Variants in SH3GL3 observed in about 807,000 individuals in gnomAD.
The protein encoded by SH3GL3 is endophilin-A3.
SH3GL3 carries 33 observed loss-of-function variants against 47.7 expected under a neutral mutation model. The ratio of observed to expected loss-of-function variants is 0.69; its 90% CI spans 0.52 to 0.92. The LOEUF (loss-of-function observed/expected upper bound fraction) is 0.92, where lower values mean the gene tolerates loss of function less well. SH3GL3 is among the 40% of genes least tolerant of loss of function. The probability of loss-of-function intolerance (pLI) is 0.00; values close to 1 mark genes in which losing one functional copy is unlikely to be tolerated. For synonymous variants in SH3GL3, 155 were observed against 148.8 expected (o/e 1.04, Z -0.30); for missense variants, 363 against 417.8 (o/e 0.87, Z 1.14).
intron 8 of SH3GL3, among the ~76,000 whole-genome samples, chr15:83,612,013 C>CAAA (rs530768134): frequency 2.3e-5 from 3 of 128,612 alleles, no homozygotes; most frequent in African/African-American, 2.7e-5. Flanking sequence ...TGTTGTTGAC[C>CAAA]AAAAAAAAAA....
intron 1 of SH3GL3, among the ~76,000 whole-genome samples, chr15:83,508,424 G>A (rs1156781939): frequency 6.6e-6 from 1 of 151,962 alleles, no homozygotes; most frequent in African/African-American, 2.4e-5. Flanking sequence ...ATGGAGGGGT[G>A]TGGCTGGAGT....
intron 1 of SH3GL3, among the ~76,000 whole-genome samples, chr15:83,450,807 T>TC (rs2039726736): frequency 7.2e-6 from 1 of 139,308 alleles, no homozygotes; most frequent in Non-Finnish European, 1.6e-5. Flanking sequence ...TTTTTTAATT[T>TC]TTTTTTTTCT....
At chr15:83,578,186 C>T (rs1352361932) in intron 6 of SH3GL3, among the ~76,000 whole-genome samples, 1 of 152,168 alleles carries the variant, frequency 6.6e-6, no homozygotes, top group Non-Finnish European at 1.5e-5. Context: ...CCAGGCAACA[C>T]GCAGCTGGGG....
At chr15:83,590,440 A>T (rs2060065261) in intron 8 of SH3GL3, among the ~76,000 whole-genome samples, 1 of 152,180 alleles carries the variant, frequency 6.6e-6, no homozygotes, top group African/African-American at 2.4e-5. Context: ...TCTTTTCTTA[A>T]TATTTAGATC....
At chr15:83,524,451 T>C (rs889918891) in intron 1 of SH3GL3, among the ~76,000 whole-genome samples, 3 of 152,232 alleles carry the variant, frequency 2.0e-5, no homozygotes, top group Non-Finnish European at 2.9e-5. Context: ...ATGCATACTG[T>C]AATGGTCAAG....
At chr15:83,476,585 G>A (rs1018118009) in intron 1 of SH3GL3, among the ~76,000 whole-genome samples, 7 of 152,080 alleles carry the variant, frequency 4.6e-5, no homozygotes, top group African/African-American at 1.7e-4. Context: ...TTCTTCTAAT[G>A]GTTGAAAAAA....
the SH3GL3 span, among the ~76,000 whole-genome samples, chr15:83,631,874 C>A: frequency 6.6e-6 from 1 of 152,220 alleles, no homozygotes; most frequent in Admixed American, 6.5e-5. Context: ...ATACAAATTT[C>A]TGAAGGTGGC....
At chr15:83,467,305 T>G (rs575744879) in intron 1 of SH3GL3, among the ~76,000 whole-genome samples, 1 of 152,256 alleles carries the variant, frequency 6.6e-6, no homozygotes, top group South Asian at 2.1e-4. Context: ...CCCTCCTCCG[T>G]TGAATTGCTT....
At chr15:83,471,557 A>T (rs996004253) in intron 1 of SH3GL3, among the ~76,000 whole-genome samples, 18 of 152,252 alleles carry the variant, frequency 1.2e-4, no homozygotes, top group Admixed American at 7.9e-4. Flanking sequence ...GCAGATGCCT[A>T]GCTGTAGCCA....
At chr15:83,574,325 C>T (rs866325372) in intron 5 of SH3GL3, among the ~76,000 whole-genome samples, 1 of 152,152 alleles carries the variant, frequency 6.6e-6, no homozygotes, top group Non-Finnish European at 1.5e-5. Context: ...CCCACCTGCA[C>T]ACCCCTTGGC....
At chr15:83,515,914 A>T (rs57459550) in intron 1 of SH3GL3, among the ~76,000 whole-genome samples, 1 of 152,378 alleles carries the variant, frequency 6.6e-6, no homozygotes, top group African/African-American at 2.4e-5. Context: ...CTGTAAAAAT[A>T]TCGTTATGTT....
chr15:83,593,886 G>A (rs182505236), intron 8 of SH3GL3, among the ~76,000 whole-genome samples: 1 of 151,844 alleles, frequency 6.6e-6, no homozygotes, highest in Non-Finnish European at 1.5e-5. Context: ...TGGCGCAGTC[G>A]CAGCTTGTTG....
rs373180200 is a variant in SH3GL3 at position 83,490,953 on chromosome 15, C to T, written c.45+43375C>T. The T allele has an allele frequency of 3.6e-5, 58 of 1,612,266 alleles. No individual in the cohort carries two copies. The Middle Eastern group carries it at 8.2e-4, about 23-fold the overall frequency. On this transcript the variant is annotated intron_variant, in intron 1 of 8. Transcript: ENST00000427482. ...GGAGTGGTTGGGGAAGAACAGTAAA[C>T]TTGGAAAAGCCATTCTCATCAGCAC...
At chr15:83,457,487 G>A (rs1372122387) in intron 1 of SH3GL3, among the ~76,000 whole-genome samples, 1 of 152,162 alleles carries the variant, frequency 6.6e-6, no homozygotes, top group Non-Finnish European at 1.5e-5. Context: ...GGGTCATGAG[G>A]GGCCTGGACG....
intron 1 of SH3GL3, among the ~76,000 whole-genome samples, chr15:83,526,757 C>A (rs2043436860): frequency 6.6e-6 from 1 of 152,064 alleles, no homozygotes; most frequent in Non-Finnish European, 1.5e-5. Context: ...GTACAAAAAA[C>A]CCCTGTGACA....
At chr15:83,554,337 G>A (rs141754833) in intron 1 of SH3GL3, among the ~76,000 whole-genome samples, 9 of 152,086 alleles carry the variant, frequency 5.9e-5, no homozygotes, top group East Asian at 3.9e-4. Context: ...ACAGGCATGC[G>A]CCACCACACC....
At chr15:83,534,431 G>T (rs1046598287) in intron 1 of SH3GL3, among the ~76,000 whole-genome samples, 1 of 151,880 alleles carries the variant, frequency 6.6e-6, no homozygotes, top group Non-Finnish European at 1.5e-5. Context: ...CCTCCCTCTT[G>T]TTGGCTTAGG....
chr15:83,585,977 A>G (rs977035459), intron 6 of SH3GL3, among the ~76,000 whole-genome samples: 4 of 152,228 alleles, frequency 2.6e-5, no homozygotes, highest in African/African-American at 9.6e-5. Context: ...GATTGCATAA[A>G]TGAATCAGCA....
At chr15:83,542,057 G>A (rs2151703274) in intron 1 of SH3GL3, among the ~76,000 whole-genome samples, 1 of 152,264 alleles carries the variant, frequency 6.6e-6, no homozygotes, top group Non-Finnish European at 1.5e-5. Context: ...TCAGTGTCCT[G>A]GAGAGTTCTC....
Sources: allele counts gnomAD v4.1 joint callset (sites outside exome capture counted in the v4.1 genomes callset), GRCh38; gene constraint gnomAD v4.1.1; transcripts MANE v1.5; gene names NCBI Gene and HGNC (gene_info 2026-07-23, HGNC 2026-07-21).